Variants in MROH9 observed in about 807,000 individuals in gnomAD.
MROH9 encodes the protein maestro heat like repeat family member 9, also known as maestro heat-like repeat-containing protein family member 9.
A neutral mutation model predicts 98.2 loss-of-function variants in MROH9; 92 were observed. The ratio of observed to expected loss-of-function variants is 0.94; its 90% confidence interval spans 0.79 to 1.11. The LOEUF (loss-of-function observed/expected upper bound fraction) is 1.11, where lower values mean the gene tolerates loss of function less well. MROH9 is among the 50% of genes most tolerant of loss of function. The probability of loss-of-function intolerance (pLI) is 0.00; values close to 1 mark genes in which losing one functional copy is unlikely to be tolerated. For missense variants in MROH9, 1,057 were observed against 1,014.8 expected, an observed-to-expected ratio of 1.04 and a Z score of -0.57; for synonymous variants, 397 against 368.9, an observed-to-expected ratio of 1.08 and a Z score of -0.87.
chr1:171,028,556 C>A (rs1240268127), intron 20 of MROH9, among the ~76,000 whole-genome samples: 1 of 152,140 alleles, frequency 6.6e-6, no homozygotes, highest in Non-Finnish European at 1.5e-5. Flanking sequence ...TTTCCTAATT[C>A]TGTGAAGAAT....
chr1:171,041,351 G>A (rs1310418722), intron 20 of MROH9, among the ~76,000 whole-genome samples: 7 of 73,294 alleles, frequency 9.6e-5, no homozygotes, highest in Non-Finnish European at 1.3e-4. Flanking sequence ...TCCATGATGT[G>A]TGTGTGTGTG....
In MROH9 at chr1:171,021,232, C is replaced by T. The variant is rs1374336301; in HGVS notation, c.1909-3163C>T. On this transcript the variant is annotated intron_variant, in intron 17 of 21. Coordinates refer to ENST00000367759, the MANE Select transcript of MROH9 (RefSeq NM_001163629.2). ...GCTATTCTCATCAAACTACCATTGA[C>T]ATTATTCACAGAATTAGAAAAAACT... Among the ~76,000 whole-genome samples, 3 of 152,126 alleles carry T rather than the reference C, an allele frequency of 2.0e-5. No individual in the cohort carries two copies. In the East Asian group the frequency reaches 5.8e-4, roughly 29 times the overall value.
chr1:171,028,366 G>C (rs1253076828), intron 20 of MROH9, among the ~76,000 whole-genome samples: 1 of 152,094 alleles, frequency 6.6e-6, no homozygotes. Flanking sequence ...TGAGGTCTCT[G>C]TTCTGTTCCA....
rs1571453414 is a variant in MROH9 at position 170,962,069 on chromosome 1, C to A, written c.375+93C>A. On this transcript the variant is annotated intron_variant, in intron 6 of 21. Transcript: ENST00000367759. ...TTCTCATTTGCTATATTTGCATCTC[C>A]TTCAAGTATTTGATGACTGAAAGTT... 7.4e-6 allele frequency: 5 copies of A among 679,770 alleles called. No individual in the cohort carries two copies. The East Asian group carries it at 1.7e-4, about 23-fold the overall frequency. The allele number at this position is 679,770 out of a possible 1,614,324, so 42.1% of individuals were successfully genotyped here.
At position 170,995,492 on chromosome 1, in the gene MROH9, A is replaced by G. The variant is rs758788652; in HGVS notation, c.1298A>G (p.Tyr433Cys). 5.6e-6 allele frequency: 9 copies of G among 1,613,342 alleles called. No individual in the cohort carries two copies. The highest frequency in any genetic ancestry group is 7.6e-6 in the Non-Finnish European group (9 of 1,179,532). The change falls in exon 13 of 22, where the codon TAC becomes TGC. Residue 433 changes from tyrosine (Y) to cysteine (C), a missense_variant. Coordinates refer to ENST00000367759, the MANE Select transcript of MROH9 (RefSeq NM_001163629.2). ...LLTTLMFQVF[Y>C]NSELKPILKD... ...ACGACTCTTATGTTCCAAGTCTTCT[A>G]CAACAGTGAGCTGAAACCGATACTC... is the stretch of plus-strand genomic sequence containing the variant.
intron 20 of MROH9, among the ~76,000 whole-genome samples, chr1:171,028,819 C>T (rs942169942): frequency 2.6e-5 from 4 of 152,144 alleles, no homozygotes; most frequent in Non-Finnish European, 5.9e-5. Context: ...TGATTTGGCT[C>T]TCTGTGTGTC....
chr1:170,988,032 C>T (rs973700354), intron 10 of MROH9, among the ~76,000 whole-genome samples: 16 of 152,198 alleles, frequency 1.1e-4, no homozygotes, highest in Non-Finnish European at 7.3e-5. Context: ...CAATGGCAGA[C>T]TCACATACTG....
chr1:171,023,067 C>T (rs555852296), intron 17 of MROH9, among the ~76,000 whole-genome samples: 1 of 152,062 alleles, frequency 6.6e-6, no homozygotes, highest in South Asian at 2.1e-4. Flanking sequence ...GCCTGTAATC[C>T]CAACACTTTC....
intron 20 of MROH9, among the ~76,000 whole-genome samples, chr1:171,040,973 A>T (rs1396057396): frequency 6.6e-6 from 1 of 152,078 alleles, no homozygotes; most frequent in East Asian, 1.9e-4. Flanking sequence ...TCAGTTATAA[A>T]GCTGATATAA....
chr1:170,970,793 T>A (rs1422796158), intron 7 of MROH9, among the ~76,000 whole-genome samples: 2 of 136,406 alleles, frequency 1.5e-5, no homozygotes, highest in African/African-American at 5.6e-5. Context: ...GAGTGGTGAG[T>A]TAAGCCACAT....
intron 9 of MROH9, 133 bp downstream of exon 9, chr1:170,983,667 A>C (rs1651019454): frequency 1.6e-6 from 1 of 608,238 alleles, no homozygotes. Context: ...ATAAAATGTA[A>C]ATGATTATAG....
intron 20 of MROH9, among the ~76,000 whole-genome samples, chr1:171,038,516 T>A (rs550178152): frequency 1.5e-4 from 23 of 152,294 alleles, no homozygotes; most frequent in African/African-American, 5.5e-4. Context: ...TATCCTCAGA[T>A]ACAGTCACAC....
intron 9 of MROH9, among the ~76,000 whole-genome samples, chr1:170,985,251 G>T (rs1024612818): frequency 6.6e-6 from 1 of 152,152 alleles, no homozygotes; most frequent in African/African-American, 2.4e-5. Context: ...CTTCTTCACA[G>T]ATTTTTTAAA....
intron 8 of MROH9, among the ~76,000 whole-genome samples, chr1:170,977,231 TTC>T (rs1476951126): frequency 6.6e-6 from 1 of 152,220 alleles, no homozygotes; most frequent in Non-Finnish European, 1.5e-5. Context: ...TGAATTATAT[TTC>T]TGTCATTTCA....
intron 21 of MROH9, 23 bp from the exon 22 acceptor site, chr1:171,064,076 T>C: frequency 4.0e-6 from 6 of 1,518,344 alleles, no homozygotes; most frequent in Non-Finnish European, 5.3e-6. Context: ...TAACTTGAAC[T>C]AAAGTCTCTT....
Position 171,044,972 on chromosome 1 carries a change from CTTTTTTTTTTTTTT to C in MROH9, c.2282-17126_2282-17113del, listed in dbSNP as rs754332732. Among the ~76,000 whole-genome samples, 8 of 45,674 alleles carry C rather than the reference CTTTTTTTTTTTTTT, an allele frequency of 1.8e-4. 1 individual carries two copies. Among genetic ancestry groups the C allele is most frequent in the African/African-American group, 5.5e-4 (8 of 14,486 alleles). 30.0% of individuals were successfully genotyped at this position (45,674 alleles called of 152,430 possible). On this transcript the variant is annotated intron_variant, in intron 20 of 21. Coordinates refer to ENST00000367759, the MANE Select transcript of MROH9 (RefSeq NM_001163629.2). ...CAATTCCATTTATTTCTGCTCTGAT[CTTTTTTTTTTTTTT>C]TTTTTTTTTTTTTTTTTTTTTTTTT...
At chr1:171,052,123 T>G (rs568623138) in intron 20 of MROH9, among the ~76,000 whole-genome samples, 5 of 152,332 alleles carry the variant, frequency 3.3e-5, no homozygotes, top group African/African-American at 1.2e-4. Context: ...CTTGGGAGAT[T>G]GTATGTTTCC....
intron 17 of MROH9, among the ~76,000 whole-genome samples, chr1:171,018,175 C>T (rs573123850): frequency 6.6e-6 from 1 of 152,156 alleles, no homozygotes; most frequent in South Asian, 2.1e-4. Flanking sequence ...CTCGAGATCC[C>T]AGAGGAAGGA....
At chr1:170,995,304 G>A (rs1651521770) in intron 12 of MROH9, 85 bp from the exon 13 acceptor site, 1 of 1,472,708 alleles carries the variant, frequency 6.8e-7, no homozygotes. Context: ...GGGTTGCAGA[G>A]TCACTCTCTT....
Sources: allele counts gnomAD v4.1 joint callset (sites outside exome capture counted in the v4.1 genomes callset), GRCh38; gene constraint gnomAD v4.1.1; transcripts MANE v1.5; gene names NCBI Gene and HGNC (gene_info 2026-07-23, HGNC 2026-07-21).